Variants in TENM3 observed in about 807,000 individuals in gnomAD.
The protein encoded by TENM3 is teneurin transmembrane protein 3, also known as teneurin-3.
TENM3 carries 63 observed loss-of-function variants against 255.1 expected under a neutral mutation model. The observed-to-expected ratio is 0.25, with a 90% CI of 0.20 to 0.30. The LOEUF is 0.30. TENM3 is among the 10% of genes least tolerant of loss of function. The pLI, the probability that TENM3 is intolerant of heterozygous loss-of-function variation, is 1.00. For synonymous variants in TENM3, 1,306 were observed against 1,322.3 expected (o/e 0.99, Z 0.27); for missense variants, 2,929 against 3,461.1 (o/e 0.85, Z 3.86).
At chr4:181,665,860 T>C in the TENM3 span, among the ~76,000 whole-genome samples, 1 of 151,996 alleles carries the variant, frequency 6.6e-6, no homozygotes, top group South Asian at 2.1e-4. Context: ...TTCGTATATA[T>C]CTAAAAATCT....
At chr4:182,298,149 T>C (rs1450672797) in intron 1 of TENM3, among the ~76,000 whole-genome samples, 2 of 152,222 alleles carry the variant, frequency 1.3e-5, no homozygotes, top group Non-Finnish European at 2.9e-5. Flanking sequence ...TCGCCACTTA[T>C]AATTAATTAT....
chr4:181,888,532 A>ATATATATATATATATATATATG, the TENM3 span, among the ~76,000 whole-genome samples: 3 of 78,738 alleles, frequency 3.8e-5, no homozygotes, highest in African/African-American at 1.4e-4. Flanking sequence ...ATATACATAT[A>ATATATATATATATATATATATG]TGTGTATATA....
the TENM3 span, among the ~76,000 whole-genome samples, chr4:182,045,474 A>G: frequency 6.6e-6 from 1 of 152,168 alleles, no homozygotes; most frequent in Non-Finnish European, 1.5e-5. Context: ...GAACAGGAAC[A>G]GAAGACCGAA....
At chr4:182,657,843 G>T (rs1370306217) in intron 6 of TENM3, among the ~76,000 whole-genome samples, 1 of 152,028 alleles carries the variant, frequency 6.6e-6, no homozygotes, top group African/African-American at 2.4e-5. Context: ...ATATTTTGTA[G>T]ACAGTGTTCC....
the TENM3 span, among the ~76,000 whole-genome samples, chr4:182,000,336 C>T: frequency 7.9e-5 from 12 of 152,058 alleles, no homozygotes; most frequent in South Asian, 2.1e-4. Flanking sequence ...TAAAATTATA[C>T]CACCGGGACC....
rs917929320 is a variant in TENM3, at chr4:182,628,941, G to A, written c.988+52G>A. 6.6e-6 allele frequency: 7 copies of A among 1,055,634 alleles called. No homozygotes were observed. In the African/African-American group the frequency reaches 1.1e-4, roughly 17 times the overall value. The allele number at this position is 1,055,634 out of a possible 1,614,324, so 65.4% of individuals were successfully genotyped here. A position where few individuals can be genotyped will look rare whatever the true frequency, so the allele number is the denominator to read the frequency against. On this transcript the variant is annotated intron_variant, in intron 5 of 27. Transcript: ENST00000511685. ...TGTCTGTAAATCAGGGTGTTACATT[G>A]TTTTATTACTTGTATTTATTCATTT...
chr4:181,604,570 G>A, the TENM3 span, among the ~76,000 whole-genome samples: 2 of 152,190 alleles, frequency 1.3e-5, no homozygotes, highest in African/African-American at 2.4e-5. Flanking sequence ...ACCTCCAGCA[G>A]CAAGTCCAAA....
chr4:181,945,392 C>A, the TENM3 span, among the ~76,000 whole-genome samples: 1 of 152,100 alleles, frequency 6.6e-6, no homozygotes, highest in African/African-American at 2.4e-5. Context: ...AGCAAGATGG[C>A]CGCTCGGAGC....
rs752843202 is a variant in TENM3, at chr4:182,688,241, G to A, written c.2111G>A (p.Gly704Asp). 1.9e-6 allele frequency: 3 copies of A among 1,613,738 alleles called. No individual in the cohort carries two copies. The highest frequency in any genetic ancestry group is 2.5e-6 in the Non-Finnish European group (3 of 1,179,856). ...TGTCGCTGTGAAGAAGGCTGGACGG[G>A]CCCAGCCTGTAATCAGAGAGCCTGC... ...GTCRCEEGWTGPACNQRACHP... is the reference protein window; with the variant it reads ...GTCRCEEGWTDPACNQRACHP... Residue 704 changes from glycine (G) to aspartate (D), a missense_variant, in exon 12 of 28, where the codon GGC (glycine) becomes GAC (aspartate). This residue lies in a region of TENM3 where 1,608 missense variants were observed against 1,884.4 expected (regional missense o/e 0.85). Transcript: ENST00000511685.
At chr4:182,590,558 A>G (rs995397230) in intron 3 of TENM3, among the ~76,000 whole-genome samples, 7 of 150,420 alleles carry the variant, frequency 4.7e-5, no homozygotes, top group Non-Finnish European at 8.9e-5. Context: ...AAAAAAAAAA[A>G]AAAGAAAAAG....
At chr4:182,288,031 G>A (rs908585015) in intron 1 of TENM3, among the ~76,000 whole-genome samples, 5 of 151,078 alleles carry the variant, frequency 3.3e-5, no homozygotes, top group Admixed American at 1.3e-4. Context: ...TCTGCCTCCC[G>A]GGTTCAAGCG....
the TENM3 span, among the ~76,000 whole-genome samples, chr4:181,564,040 CTT>C: frequency 1.4e-4 from 11 of 79,774 alleles, no homozygotes; most frequent in Non-Finnish European, 2.2e-4. Context: ...TTTCTTTTTT[CTT>C]TTTTTTTTTT....
At chr4:182,350,252 G>C (rs142311787) in intron 3 of TENM3, 1 of 152,468 alleles carries the variant, frequency 6.6e-6, no homozygotes. Flanking sequence ...GAGAACATTC[G>C]GACCGTGTCA....
rs1319174255 is a variant in TENM3, at chr4:182,782,833, C to G, written c.5305-6260C>G. 1.3e-3 allele frequency among the ~76,000 whole-genome samples: 181 copies of G among 141,980 alleles called. 5 individuals are homozygous for G. In the South Asian group the frequency reaches 0.043, roughly 34 times the overall value. 93.1% of individuals were successfully genotyped at this position (141,980 alleles called of 152,430 possible). On this transcript the variant is annotated intron_variant, in intron 24 of 27. Coordinates refer to ENST00000511685, the MANE Select transcript of TENM3 (RefSeq NM_001080477.4). ...AATGGCCTTCTTTGTCTCTTTTGAT[C>G]TTTGTTGGTTTAAAGTCTGTTTTAT...
At chr4:182,714,307 T>A in intron 13 of TENM3, 74 bp downstream of exon 13, 47 of 369,268 alleles carry the variant, frequency 1.3e-4, no homozygotes, top group Middle Eastern at 9.2e-4. Context: ...TACATAGATA[T>A]CTGTTGCCAA....
intron 3 of TENM3, among the ~76,000 whole-genome samples, chr4:182,387,642 G>A (rs1034145894): frequency 1.3e-5 from 2 of 151,884 alleles, no homozygotes; most frequent in African/African-American, 4.8e-5. Context: ...TGAGCCCAGG[G>A]AGTCCACGAG....
At chr4:182,293,254 TC>T (rs1288253275) in intron 1 of TENM3, among the ~76,000 whole-genome samples, 4 of 152,164 alleles carry the variant, frequency 2.6e-5, no homozygotes, top group Non-Finnish European at 4.4e-5. Flanking sequence ...CCCACGAGCA[TC>T]TTTGAGGCGA....
intron 1 of TENM3, among the ~76,000 whole-genome samples, chr4:182,236,806 T>C (rs1756926166): frequency 6.6e-6 from 1 of 152,224 alleles, no homozygotes; most frequent in Admixed American, 6.5e-5. Context: ...AGATTTGCTG[T>C]GTATTCTGTA....
chr4:182,360,328 G>A (rs1242538732), intron 3 of TENM3, among the ~76,000 whole-genome samples: 2 of 131,084 alleles, frequency 1.5e-5, no homozygotes, highest in East Asian at 4.3e-4. Context: ...GGGTGTTAAA[G>A]TCTCCCATTA....
Sources: gnomAD v4.1 joint callset for allele counts (sites outside exome capture counted in the v4.1 genomes callset) on GRCh38, gnomAD v4.1.1 for gene constraint, gnomAD v4.1.1 regional missense constraint, MANE v1.5 for transcripts, NCBI Gene and HGNC (gene_info 2026-07-23, HGNC 2026-07-21) for gene names.